Variants in FBXO9 observed in about 807,000 individuals in gnomAD.
FBXO9 encodes the protein F-box protein 9.
Under a neutral mutation model 63.7 loss-of-function variants are expected in FBXO9, and 43 were observed. That is an observed-to-expected ratio of 0.67 (90% confidence interval 0.53 to 0.87). The LOEUF (loss-of-function observed/expected upper bound fraction) is 0.87, where lower values mean the gene tolerates loss of function less well. Among genes scored for constraint, FBXO9 ranks in the 40% least tolerant of loss-of-function variants. FBXO9 has a pLI of 0.00. For synonymous variants in FBXO9, 156 were observed against 171.7 expected, an observed-to-expected ratio of 0.91 and a Z score of 0.72; for missense variants, 442 against 533.2, an observed-to-expected ratio of 0.83 and a Z score of 1.68.
At chr6:53,093,433 G>C in intron 9 of FBXO9, 33 bp from the exon 10 acceptor site, 1 of 1,415,918 alleles carries the variant, frequency 7.1e-7, no homozygotes, top group Non-Finnish European at 1.0e-6. Flanking sequence ...TGTGTGGGGG[G>C]TGTGTTTTGG....
chr6:53,072,943 G>A (rs1293209575), intron 2 of FBXO9, among the ~76,000 whole-genome samples: 4 of 152,080 alleles, frequency 2.6e-5, no homozygotes, highest in Non-Finnish European at 5.9e-5. Context: ...GGCTGTTCTC[G>A]AACTCCTGAC....
intron 2 of FBXO9, among the ~76,000 whole-genome samples, 196 bp downstream of exon 2, chr6:53,071,339 AG>A (rs1768908763): frequency 6.6e-6 from 1 of 152,234 alleles, no homozygotes; most frequent in South Asian, 2.1e-4. Context: ...GGTTGCTTGT[AG>A]TTTAACATGG....
intron 3 of FBXO9, among the ~76,000 whole-genome samples, chr6:53,075,734 ATTATTT>A (rs1318491687): frequency 0.014 from 1,149 of 82,048 alleles, 69 homozygotes; most frequent in African/African-American, 0.053. Flanking sequence ...TATATATATA[ATTATTT>A]TTTTTTTTTT....
intron 1 of FBXO9, among the ~76,000 whole-genome samples, chr6:53,068,749 C>A (rs905149911): frequency 2.7e-5 from 4 of 150,644 alleles, no homozygotes; most frequent in African/African-American, 9.7e-5. Flanking sequence ...ATCTCCCAGG[C>A]TCAAGCAATC....
At chr6:53,070,088 G>A (rs1460068965) in intron 1 of FBXO9, among the ~76,000 whole-genome samples, 1 of 140,036 alleles carries the variant, frequency 7.1e-6, no homozygotes, top group Admixed American at 7.6e-5. Flanking sequence ...GTGCAGTCTC[G>A]GCTCACTGCA....
chr6:53,097,904 A>ATGTGTGTGTG lies in FBXO9; in HGVS notation c.*77_*86dup, dbSNP rs755980710. 3.2e-5 allele frequency: 7 copies of ATGTGTGTGTG among 219,894 alleles called. No individual in the cohort carries two copies. The highest frequency in any genetic ancestry group is 2.8e-4 in the African/African-American group (6 of 21,122). 13.6% of individuals were successfully genotyped at this position (219,894 alleles called of 1,614,324 possible). ...GCGCAAAAGAGCACCTAAGTTATAA[A>ATGTGTGTGTG]TGTGTGTGTGTGCGTGTGTGTGTAT... On this transcript the variant is annotated 3_prime_UTR_variant, in exon 13 of 13. Coordinates refer to ENST00000323557, the MANE Select transcript of FBXO9 (RefSeq NM_033480.3).
In FBXO9 at chr6:53,092,894, T is replaced by C; in HGVS notation, c.863+70T>C. ...ATGTATTAGTTAAATGGACATCTGT[T>C]CTTTGTTGCTTTTGATTGACCCGCA... On this transcript the variant is annotated intron_variant, in intron 9 of 12. Transcript: ENST00000323557. 5 of 1,067,340 alleles carry C rather than the reference T, an allele frequency of 4.7e-6. No homozygotes were observed. The South Asian group carries it at 8.3e-5, about 18-fold the overall frequency. The allele number at this position is 1,067,340 out of a possible 1,614,324, so 66.1% of individuals were successfully genotyped here.
chr6:53,078,579 T>C (rs1335285669), intron 4 of FBXO9, among the ~76,000 whole-genome samples: 1 of 152,206 alleles, frequency 6.6e-6, no homozygotes, highest in Non-Finnish European at 1.5e-5. Context: ...AGGGCTAATA[T>C]ATAAGAGTAA....
At chr6:53,091,988 T>G in intron 7 of FBXO9, 1 of 159,204 alleles carries the variant, frequency 6.3e-6, no homozygotes, top group Admixed American at 6.2e-5. Flanking sequence ...TCATCATAGT[T>G]TCCTCTGCAC....
chr6:53,093,863 C>T (rs1176173573), intron 10 of FBXO9, 22 bp from the exon 11 acceptor site: 8 of 1,433,024 alleles, frequency 5.6e-6, no homozygotes, highest in Non-Finnish European at 7.6e-6. Flanking sequence ...GATTTAGATT[C>T]AATTTGTTTT....
intron 7 of FBXO9, among the ~76,000 whole-genome samples, chr6:53,089,916 C>T (rs1338685835): frequency 6.6e-6 from 1 of 152,186 alleles, no homozygotes; most frequent in Non-Finnish European, 1.5e-5. Flanking sequence ...CTTTTCAGAT[C>T]CCGCTTCTGA....
intron 11 of FBXO9, 139 bp from the exon 12 acceptor site, chr6:53,095,374 A>G: frequency 1.5e-6 from 1 of 687,040 alleles, no homozygotes; most frequent in Non-Finnish European, 2.3e-6. Flanking sequence ...AAGCACTCAT[A>G]CATTCTTGTG....
chr6:53,079,499 T>G (rs1043166387), intron 5 of FBXO9, among the ~76,000 whole-genome samples: 1 of 152,180 alleles, frequency 6.6e-6, no homozygotes, highest in Non-Finnish European at 1.5e-5. Flanking sequence ...TAGTTGCCAC[T>G]GCATCAAAGC....
Position 53,093,673 on chromosome 6 carries a change from A to T in FBXO9, c.959+112A>T, listed in dbSNP as rs1330508463. The T allele has an allele frequency of 9.7e-6, 9 of 930,664 alleles. No individual in the cohort carries two copies. The East Asian group carries it at 2.1e-4, about 22-fold the overall frequency. 57.7% of individuals were successfully genotyped at this position (930,664 alleles called of 1,614,324 possible). ...CTTAATACTGGATGATTTTAAAAGC[A>T]ATCATTCAGGGTCTTAGGAAAAATA... On this transcript the variant is annotated intron_variant, in intron 10 of 12. Coordinates refer to ENST00000323557, the MANE Select transcript of FBXO9 (RefSeq NM_033480.3).
At chr6:53,079,584 T>C (rs1769240150) in intron 5 of FBXO9, among the ~76,000 whole-genome samples, 1 of 152,114 alleles carries the variant, frequency 6.6e-6, no homozygotes, top group Non-Finnish European at 1.5e-5. Context: ...TGCAAGACAA[T>C]TATAAAATTG....
chr6:53,069,852 T>C (rs1369212147), intron 1 of FBXO9, among the ~76,000 whole-genome samples: 2 of 152,168 alleles, frequency 1.3e-5, no homozygotes, highest in African/African-American at 4.8e-5. Context: ...AGGAATTACA[T>C]TGATAATTAT....
chr6:53,072,402 A>C (rs1296210815), intron 2 of FBXO9, among the ~76,000 whole-genome samples: 1 of 152,140 alleles, frequency 6.6e-6, no homozygotes, highest in African/African-American at 2.4e-5. Context: ...GAGGGAAACA[A>C]ATGGGCAGGG....
intron 5 of FBXO9, among the ~76,000 whole-genome samples, chr6:53,080,415 A>G (rs1214151610): frequency 6.6e-6 from 1 of 152,010 alleles, no homozygotes; most frequent in Non-Finnish European, 1.5e-5. Flanking sequence ...GGTTTACTTC[A>G]GTAAAAATAG....
In FBXO9 at chr6:53,065,581, C is replaced by A; in HGVS notation, c.-209C>A. ...CGCCGCCACCCCAGCGCGCCCCGATCTGGCCCCCTGCCCCGCGAAGATGGC... is the reference window on the plus strand; with the variant it reads ...CGCCGCCACCCCAGCGCGCCCCGATATGGCCCCCTGCCCCGCGAAGATGGC... On this transcript the variant is annotated 5_prime_UTR_variant, in exon 1 of 13. In the 5' UTR this introduces an upstream ATG that the reference lacks. Coordinates refer to ENST00000323557, the MANE Select transcript of FBXO9 (RefSeq NM_033480.3). 1.9e-6 allele frequency: 1 copy of A among 518,524 alleles called. No individual in the cohort carries two copies. The highest frequency in any genetic ancestry group is 3.0e-6 in the Non-Finnish European group (1 of 331,598). 32.1% of individuals were successfully genotyped at this position (518,524 alleles called of 1,614,324 possible).
Sources: allele counts gnomAD v4.1 joint callset (sites outside exome capture counted in the v4.1 genomes callset), GRCh38; gene constraint gnomAD v4.1.1; transcripts MANE v1.5; gene names NCBI Gene and HGNC (gene_info 2026-07-23, HGNC 2026-07-21).